Variants in PTPRD observed in about 807,000 individuals in gnomAD.
The protein encoded by PTPRD is protein tyrosine phosphatase receptor type D.
PTPRD carries 34 observed loss-of-function variants against 214.5 expected under a neutral mutation model. The observed-to-expected ratio is 0.16, with a 90% CI of 0.12 to 0.21. PTPRD has a LOEUF of 0.21. Ranked by LOEUF, PTPRD falls within the 10% of genes least tolerant of loss-of-function variation. The probability of loss-of-function intolerance (pLI) is 1.00; values close to 1 mark genes in which losing one functional copy is unlikely to be tolerated. For synonymous variants in PTPRD, 1,128 were observed against 845.7 expected (o/e 1.33, Z -5.79); for missense variants, 2,545 against 2,398.7 (o/e 1.06, Z -1.27).
At chr9:10,309,935 T>G (rs1386922412) in intron 3 of PTPRD, among the ~76,000 whole-genome samples, 2 of 152,098 alleles carry the variant, frequency 1.3e-5, no homozygotes, top group African/African-American at 4.8e-5. Flanking sequence ...ACTTTTCTTT[T>G]GTTCCAAAAT....
At chr9:9,622,328 T>A (rs1370380169) in intron 7 of PTPRD, among the ~76,000 whole-genome samples, 2 of 152,330 alleles carry the variant, frequency 1.3e-5, no homozygotes, top group Non-Finnish European at 2.9e-5. Context: ...CAAGTAGTAA[T>A]TTCAGAACTA....
chr9:9,248,096 AT>A (rs200841402), intron 9 of PTPRD, among the ~76,000 whole-genome samples: 16 of 150,852 alleles, frequency 1.1e-4, no homozygotes, highest in African/African-American at 2.7e-4. Context: ...ATCTATTATT[AT>A]TTTTTTTTAA....
chr9:8,317,972 AAAG>A (rs1167129561), intron 45 of PTPRD, 30 bp from the exon 46 acceptor site: 12 of 1,590,714 alleles, frequency 7.5e-6, no homozygotes, highest in Middle Eastern at 3.3e-4. Context: ...GGGAGAAGCA[AAAG>A]AAGGGACCAT....
chr9:8,425,088 A>G (rs1334009808), intron 35 of PTPRD, among the ~76,000 whole-genome samples: 1 of 152,214 alleles, frequency 6.6e-6, no homozygotes, highest in African/African-American at 2.4e-5. Context: ...TAGCCACAGT[A>G]GAAAAACCAT....
intron 10 of PTPRD, among the ~76,000 whole-genome samples, chr9:9,088,536 T>C (rs7469258): frequency 0.059 from 7,482 of 126,160 alleles, 251 homozygotes; most frequent in Middle Eastern, 0.14. Flanking sequence ...GCTGAGATTG[T>C]GCCACTGCAC....
chr9:8,454,433 T>TA, intron 33 of PTPRD: 1 of 675,570 alleles, frequency 1.5e-6, no homozygotes. Context: ...ATGAAGTTAC[T>TA]GTGTATATGT....
intron 11 of PTPRD, among the ~76,000 whole-genome samples, chr9:8,978,051 GA>G: frequency 6.6e-6 from 1 of 152,178 alleles, no homozygotes; most frequent in Admixed American, 6.6e-5. Context: ...GAAGAAAGAA[GA>G]AAAGCATTCT....
At chr9:9,156,541 A>G (rs1244903542) in intron 10 of PTPRD, among the ~76,000 whole-genome samples, 4 of 152,112 alleles carry the variant, frequency 2.6e-5, no homozygotes, top group Non-Finnish European at 4.4e-5. Context: ...GCCAACACAT[A>G]ATTGATTAGA....
chr9:9,986,703 A>G (rs10978148), intron 4 of PTPRD, among the ~76,000 whole-genome samples: 10,853 of 152,198 alleles, frequency 0.071, 513 homozygotes, highest in East Asian at 0.14. Context: ...GGGTTAACAC[A>G]TTTACTTTTT....
chr9:8,681,910 T>C (rs891900907), intron 12 of PTPRD, among the ~76,000 whole-genome samples: 11 of 152,186 alleles, frequency 7.2e-5, no homozygotes, highest in African/African-American at 2.2e-4. Context: ...AGTACATTAC[T>C]TCAGCTCTAA....
intron 5 of PTPRD, among the ~76,000 whole-genome samples, chr9:9,922,284 C>G (rs1220757079): frequency 1.3e-5 from 2 of 152,114 alleles, no homozygotes; most frequent in South Asian, 2.1e-4. Context: ...CTCCCTTTCT[C>G]TCAATCCCTT....
chr9:8,937,593 C>G lies in PTPRD; in HGVS notation c.-104+81104G>C, dbSNP rs41510146. Among the ~76,000 whole-genome samples, 710 of 152,292 alleles carry G rather than the reference C, an allele frequency of 4.7e-3. 5 individuals carry two copies. The highest frequency in any genetic ancestry group is 0.017 in the African/African-American group (687 of 41,574). On this transcript the variant is annotated intron_variant, in intron 11 of 45. Coordinates refer to ENST00000381196, the MANE Select transcript of PTPRD (RefSeq NM_002839.4). Reference sequence around the variant, plus strand: ...AGAGAGGCCCTATTCCTTTTCACCTCTACAGCTTTGCATTGCAGCTTGGAA... The same window carrying G: ...AGAGAGGCCCTATTCCTTTTCACCTGTACAGCTTTGCATTGCAGCTTGGAA...
chr9:10,570,651 G>C (rs1022132270), intron 2 of PTPRD, among the ~76,000 whole-genome samples: 2 of 152,004 alleles, frequency 1.3e-5, no homozygotes, highest in African/African-American at 4.8e-5. Flanking sequence ...GCTTTCTCCA[G>C]CATTTTGCTA....
chr9:8,454,556 A>C, intron 33 of PTPRD: 1 of 1,612,724 alleles, frequency 6.2e-7, no homozygotes, highest in Non-Finnish European at 8.5e-7. Flanking sequence ...TGAACATTAA[A>C]GGGGTTTGTT....
At chr9:10,438,013 A>ATATATATATATATATATAATATATATAT (rs1566033452) in intron 2 of PTPRD, among the ~76,000 whole-genome samples, 1 of 120,104 alleles carries the variant, frequency 8.3e-6, no homozygotes, top group African/African-American at 6.1e-5. Context: ...GTCTACATAT[A>ATATATATATATATATATAATATATATAT]TATATATATA....
rs35513651 is a variant in PTPRD, at chr9:8,782,596, C to CT, written c.-103-48651dup. On this transcript the variant is annotated intron_variant, in intron 11 of 45. Coordinates refer to ENST00000381196, the MANE Select transcript of PTPRD (RefSeq NM_002839.4). The stretch of plus-strand genomic sequence containing the variant: ...CTCATGAAAACAGAAATACTTAACG[C>CT]TTTTTTTTTTTTTTTTTTTGAGACG... Among the ~76,000 whole-genome samples, 236 of 117,328 alleles carry CT rather than the reference C, an allele frequency of 2.0e-3. 1 individual carries two copies. The highest frequency in any genetic ancestry group is 5.2e-3 in the Middle Eastern group (1 of 194). 77.0% of individuals were successfully genotyped at this position (117,328 alleles called of 152,430 possible).
chr9:9,007,771 G>T (rs1589692684), intron 11 of PTPRD, among the ~76,000 whole-genome samples: 2 of 132,210 alleles, frequency 1.5e-5, no homozygotes, highest in Admixed American at 7.7e-5. Context: ...CCCAAAGGTT[G>T]CTTAAGCATA....
rs114352385 is a variant in PTPRD, at chr9:9,787,357, T to C, written c.-367-20506A>G. Among the ~76,000 whole-genome samples, 1,135 of 150,124 alleles carry C rather than the reference T, an allele frequency of 7.6e-3. 12 individuals carry two copies. The highest frequency in any genetic ancestry group is 0.026 in the African/African-American group (1,070 of 40,604). Reference sequence around the variant, plus strand: ...AAAGGTCCAATTGGTTTATGATATATGATGACATATAACGCATTGACAAAT... The same window carrying C: ...AAAGGTCCAATTGGTTTATGATATACGATGACATATAACGCATTGACAAAT... On this transcript the variant is annotated intron_variant, in intron 5 of 45. Coordinates refer to ENST00000381196, the MANE Select transcript of PTPRD (RefSeq NM_002839.4).
intron 14 of PTPRD, among the ~76,000 whole-genome samples, chr9:8,573,582 A>T (rs1174693147): frequency 6.6e-6 from 1 of 151,962 alleles, no homozygotes; most frequent in Non-Finnish European, 1.5e-5. Context: ...TTTCTCAATT[A>T]AAATAGATGG....
Sources: gnomAD v4.1 joint callset for allele counts (sites outside exome capture counted in the v4.1 genomes callset) on GRCh38, gnomAD v4.1.1 for gene constraint, MANE v1.5 for transcripts, NCBI Gene and HGNC (gene_info 2026-07-23, HGNC 2026-07-21) for gene names.